Variants in CTCF observed in about 807,000 individuals in gnomAD.
CTCF encodes the protein transcriptional repressor CTCF.
CTCF carries 7 observed loss-of-function variants against 72.3 expected under a neutral mutation model. The ratio of observed to expected loss-of-function variants is 0.10; its 90% CI spans 0.06 to 0.18. The LOEUF (loss-of-function observed/expected upper bound fraction) is 0.18, where lower values mean the gene tolerates loss of function less well. Among genes scored for constraint, CTCF ranks in the 10% least tolerant of loss-of-function variants. The pLI, the probability that CTCF is intolerant of heterozygous loss-of-function variation, is 1.00. For missense variants in CTCF, 516 were observed against 949.1 expected, an observed-to-expected ratio of 0.54 and a Z score of 6.00; for synonymous variants, 374 against 315.8, an observed-to-expected ratio of 1.18 and a Z score of -1.95.
intron 10 of CTCF, among the ~76,000 whole-genome samples, chr16:67,636,308 G>T (rs2052426688): frequency 6.6e-6 from 1 of 151,562 alleles, no homozygotes; most frequent in South Asian, 2.1e-4. Flanking sequence ...GGTTGCAGAG[G>T]TTGCAGTGAG....
intron 1 of CTCF, among the ~76,000 whole-genome samples, chr16:67,567,360 C>T (rs1013754793): frequency 1.1e-4 from 17 of 152,152 alleles, no homozygotes; most frequent in African/African-American, 4.1e-4. Flanking sequence ...TAGAAAATTT[C>T]ATTCCCTTTG....
intron 2 of CTCF, among the ~76,000 whole-genome samples, chr16:67,597,224 T>C (rs1403650708): frequency 6.6e-6 from 1 of 152,120 alleles, no homozygotes; most frequent in Non-Finnish European, 1.5e-5. Flanking sequence ...TTAGTATTGA[T>C]GGAGTATCTC....
chr16:67,595,110 T>C (rs1345437854), intron 2 of CTCF, among the ~76,000 whole-genome samples: 2 of 152,198 alleles, frequency 1.3e-5, no homozygotes, highest in African/African-American at 2.4e-5. Flanking sequence ...TCATGAATTT[T>C]TGGAATTTTT....
rs1325000694 is a variant in CTCF at position 67,637,823 on chromosome 16, C to G, written c.2135C>G (p.Pro712Arg). ...EEAQPAATDA[P>R]NGDLTPEMIL... ...GCCCAGCCAGCTGCCACAGATGCCC[C>G]CAACGGAGACCTCACGCCCGAGATG... Residue 712 changes from proline to arginine, a missense_variant, in exon 12 of 12, where the codon CCC becomes CGC. Around this residue, in one of 7 missense-constraint regions of CTCF, gnomAD observed 157 missense variants for 172.9 expected, o/e 0.91. Coordinates refer to ENST00000264010, the MANE Select transcript of CTCF (RefSeq NM_006565.4). 6.2e-7 allele frequency: 1 copy of G among 1,612,670 alleles called. No individual in the cohort carries two copies. The highest frequency in any genetic ancestry group is 2.2e-5 in the East Asian group (1 of 44,874).
intron 11 of CTCF, among the ~76,000 whole-genome samples, chr16:67,637,278 T>G (rs529718317): frequency 6.6e-6 from 1 of 152,310 alleles, no homozygotes; most frequent in East Asian, 1.9e-4. Flanking sequence ...ATGCCTGTGA[T>G]CCCAGCACTT....
Position 67,638,935 on chromosome 16 carries a change from TAGAG to T in CTCF, c.*1066_*1069del, listed in dbSNP as rs2052468574. ...GTCACATGTTTAAAAATGTGTTTTTTAGAGAGCCTCAGTCTTACTGATTTCAAAC... is the reference window on the plus strand; with the variant it reads ...GTCACATGTTTAAAAATGTGTTTTTTAGCCTCAGTCTTACTGATTTCAAAC... On this transcript the variant is annotated 3_prime_UTR_variant, in exon 12 of 12. Coordinates refer to ENST00000264010, the MANE Select transcript of CTCF (RefSeq NM_006565.4). The T allele has an allele frequency of 4.9e-6, 1 of 205,216 alleles. No homozygotes were observed. Among genetic ancestry groups the T allele is most frequent in the African/African-American group, 2.3e-5 (1 of 43,722 alleles). 12.7% of individuals were successfully genotyped at this position (205,216 alleles called of 1,614,324 possible). A position where few individuals can be genotyped will look rare whatever the true frequency, so the allele number is the denominator to read the frequency against.
At chr16:67,601,254 GT>G (rs776311052) in intron 2 of CTCF, among the ~76,000 whole-genome samples, 35 of 105,798 alleles carry the variant, frequency 3.3e-4, no homozygotes, top group East Asian at 2.9e-3. Flanking sequence ...GTGTGTGTGT[GT>G]TTTGTTTTGT....
In CTCF at chr16:67,623,743, C is replaced by T. The variant is rs138448844; in HGVS notation, c.1357+2152C>T. Reference sequence around the variant, plus strand: ...CAACCTGTGTGATATAGCAAGACCCCGTCTCTTAAAATAAATAAAAATATA... The same window carrying T: ...CAACCTGTGTGATATAGCAAGACCCTGTCTCTTAAAATAAATAAAAATATA... On this transcript the variant is annotated intron_variant, in intron 7 of 11. Coordinates refer to ENST00000264010, the MANE Select transcript of CTCF (RefSeq NM_006565.4). 3.6e-4 allele frequency among the ~76,000 whole-genome samples: 55 copies of T among 151,662 alleles called. No homozygotes were observed. The South Asian group carries it at 8.8e-3, about 24-fold the overall frequency.
intron 10 of CTCF, among the ~76,000 whole-genome samples, chr16:67,630,465 C>G (rs1291792554): frequency 6.6e-6 from 1 of 152,138 alleles, no homozygotes; most frequent in East Asian, 1.9e-4. Flanking sequence ...TTAGAAGTGC[C>G]AAGCCTCGGT....
At chr16:67,610,696 G>A (rs2052050220) in intron 2 of CTCF, 128 bp from the exon 3 acceptor site, 1 of 621,852 alleles carries the variant, frequency 1.6e-6, no homozygotes, top group Admixed American at 3.6e-5. Context: ...TGTCTGTTGT[G>A]TCTTTTTTAA....
intron 2 of CTCF, among the ~76,000 whole-genome samples, chr16:67,608,710 A>G (rs1382433056): frequency 2.6e-5 from 4 of 151,472 alleles, no homozygotes; most frequent in African/African-American, 9.8e-5. Context: ...ACAAAATACA[A>G]GGAAATTTTG....
intron 7 of CTCF, among the ~76,000 whole-genome samples, chr16:67,625,827 G>A (rs1382206070): frequency 1.2e-4 from 1 of 8,604 alleles, no homozygotes; most frequent in Admixed American, 1.4e-3. Context: ...CCCCGACCCT[G>A]AAAATAACAC....
At chr16:67,624,232 T>G (rs541337592) in intron 7 of CTCF, among the ~76,000 whole-genome samples, 1 of 151,674 alleles carries the variant, frequency 6.6e-6, no homozygotes, top group Non-Finnish European at 1.5e-5. Flanking sequence ...TTAACTCTTC[T>G]CTCCTTCCCA....
chr16:67,578,567 A>G (rs1340503159), intron 2 of CTCF, among the ~76,000 whole-genome samples: 2 of 150,806 alleles, frequency 1.3e-5, no homozygotes, highest in African/African-American at 4.9e-5. Context: ...TCCTGGCCTC[A>G]AGTGTTCCAC....
chr16:67,582,629 G>A (rs1340889312), intron 2 of CTCF, among the ~76,000 whole-genome samples: 1 of 150,290 alleles, frequency 6.7e-6, no homozygotes, highest in Non-Finnish European at 1.5e-5. Flanking sequence ...GGAGGCAGAG[G>A]TTGCAGTGAG....
At chr16:67,629,761 T>TC (rs2052339526) in intron 10 of CTCF, among the ~76,000 whole-genome samples, 2 of 51,370 alleles carry the variant, frequency 3.9e-5, no homozygotes, top group East Asian at 4.8e-4. Context: ...TTTTTTTTTT[T>TC]TTTTTTTTTT....
At chr16:67,595,950 T>C (rs768021010) in intron 2 of CTCF, among the ~76,000 whole-genome samples, 4 of 151,812 alleles carry the variant, frequency 2.6e-5, no homozygotes, top group Admixed American at 6.6e-5. Context: ...TTTTTTCTTT[T>C]CCTCTTTCTT....
chr16:67,624,047 CA>C (rs560002527), intron 7 of CTCF, among the ~76,000 whole-genome samples: 16,781 of 77,700 alleles, frequency 0.22, 1,645 homozygotes, highest in African/African-American at 0.4. Context: ...GACACTGTCT[CA>C]AAAAAAAAAA....
chr16:67,633,606 A>G (rs1172424507), intron 10 of CTCF, among the ~76,000 whole-genome samples: 1 of 152,112 alleles, frequency 6.6e-6, no homozygotes, highest in Non-Finnish European at 1.5e-5. Flanking sequence ...AGGACCTCAC[A>G]ATGCGTAAGA....
Sources: gnomAD v4.1 joint callset for allele counts (sites outside exome capture counted in the v4.1 genomes callset) on GRCh38, gnomAD v4.1.1 for gene constraint, gnomAD v4.1.1 regional missense constraint, MANE v1.5 for transcripts, NCBI Gene and HGNC (gene_info 2026-07-23, HGNC 2026-07-21) for gene names.